Variants in NHEJ1 observed in about 807,000 individuals in gnomAD.
NHEJ1 encodes non-homologous end-joining factor 1.
Under a neutral mutation model 39.4 loss-of-function variants are expected in NHEJ1, and 22 were observed. The observed-to-expected ratio is 0.56, with a 90% CI of 0.40 to 0.80. NHEJ1 has a LOEUF of 0.80. NHEJ1 is among the 30% of genes least tolerant of loss of function. The probability of loss-of-function intolerance (pLI) is 0.00; values close to 1 mark genes in which losing one functional copy is unlikely to be tolerated. For synonymous variants in NHEJ1, 154 were observed against 135.6 expected (o/e 1.14, Z -0.94); for missense variants, 329 against 357.1 (o/e 0.92, Z 0.63).
At chr2:219,136,099 G>T (rs1949625246) in intron 5 of NHEJ1, among the ~76,000 whole-genome samples, 1 of 152,154 alleles carries the variant, frequency 6.6e-6, no homozygotes, top group African/African-American at 2.4e-5. Context: ...GGCCCCTGCA[G>T]ATATCTGATT....
intron 5 of NHEJ1, among the ~76,000 whole-genome samples, chr2:219,136,750 C>T (rs1056369203): frequency 1.1e-4 from 16 of 151,156 alleles, no homozygotes; most frequent in African/African-American, 3.9e-4. Context: ...TTACAGGCAC[C>T]CACCATTGCA....
At chr2:219,157,372 G>T (rs1465373049) in intron 3 of NHEJ1, 100 bp downstream of exon 3, 3 of 1,013,646 alleles carry the variant, frequency 3.0e-6, no homozygotes, top group Non-Finnish European at 4.5e-6. Flanking sequence ...GATTGGAGAA[G>T]AATTTCAAAC....
chr2:219,156,427 G>A (rs1574748718), intron 3 of NHEJ1, among the ~76,000 whole-genome samples: 1 of 152,088 alleles, frequency 6.6e-6, no homozygotes, highest in East Asian at 1.9e-4. Context: ...ATACTTTTAG[G>A]CTTCCCAAAG....
chr2:219,083,369 C>T (rs903340760), intron 5 of NHEJ1, among the ~76,000 whole-genome samples: 2 of 151,136 alleles, frequency 1.3e-5, no homozygotes, highest in African/African-American at 2.4e-5. Flanking sequence ...ATGAACCCAA[C>T]ATGCGAGGAT....
At chr2:219,149,407 A>C (rs983297677) in intron 3 of NHEJ1, among the ~76,000 whole-genome samples, 1 of 152,044 alleles carries the variant, frequency 6.6e-6, no homozygotes, top group South Asian at 2.1e-4. Flanking sequence ...CTTGAGTCCA[A>C]GAGTTCGAGT....
chr2:219,149,678 G>C (rs1949777303), intron 3 of NHEJ1, among the ~76,000 whole-genome samples: 1 of 152,204 alleles, frequency 6.6e-6, no homozygotes, highest in Non-Finnish European at 1.5e-5. Flanking sequence ...GAAGTTATCA[G>C]ACTTCCTTTC....
intron 5 of NHEJ1, among the ~76,000 whole-genome samples, chr2:219,139,665 T>G (rs543153685): frequency 7.2e-5 from 11 of 152,234 alleles, no homozygotes; most frequent in Non-Finnish European, 1.5e-4. Flanking sequence ...TTTGGTTTTT[T>G]GGGGTTTTTT....
chr2:219,110,361 T>A (rs977124539), intron 5 of NHEJ1, among the ~76,000 whole-genome samples: 4 of 151,740 alleles, frequency 2.6e-5, no homozygotes, highest in African/African-American at 9.7e-5. Flanking sequence ...ACAAAAAATA[T>A]ATATATATAA....
chr2:219,149,059 T>C (rs1195605886), intron 3 of NHEJ1, among the ~76,000 whole-genome samples: 1 of 152,040 alleles, frequency 6.6e-6, no homozygotes, highest in Non-Finnish European at 1.5e-5. Flanking sequence ...AATTTTTGTA[T>C]TTTTAGTAGA....
rs370998466 is a variant in NHEJ1, at chr2:219,138,723, A to G, written c.588+7957T>C. Among the ~76,000 whole-genome samples the G allele has an allele frequency of 2.0e-5, 3 of 152,372 alleles. No individual in the cohort carries two copies. In the East Asian group the frequency reaches 5.8e-4, roughly 29 times the overall value. ...TTGGAAACTAGGTGCTATAGAAAAA[A>G]TAAAAAGTAGAGGATGGTAAGATGA... On this transcript the variant is annotated intron_variant, in intron 5 of 7. Transcript: ENST00000356853.
rs1242043623 is a variant in NHEJ1, at chr2:219,147,867, G to GA, written c.391-73dup. ...CTTTCCAATTCAGTATTAGGTACCAGAAAAAATACCGAAAAATAAATGTTC... is the reference window on the plus strand; with the variant it reads ...CTTTCCAATTCAGTATTAGGTACCAGAAAAAAATACCGAAAAATAAATGTTC... On this transcript the variant is annotated intron_variant, in intron 3 of 7. Transcript: ENST00000356853. 2.2e-5 allele frequency: 32 copies of GA among 1,475,776 alleles called. No homozygotes were observed. In the East Asian group the frequency reaches 6.9e-4, roughly 32 times the overall value. 91.4% of individuals were successfully genotyped at this position (1,475,776 alleles called of 1,614,324 possible). A position where few individuals can be genotyped will look rare whatever the true frequency, so the allele number is the denominator to read the frequency against.
At chr2:219,127,188 A>AT (rs762071100) in intron 5 of NHEJ1, among the ~76,000 whole-genome samples, 10 of 152,264 alleles carry the variant, frequency 6.6e-5, no homozygotes, top group Non-Finnish European at 1.3e-4. Flanking sequence ...TCTTTTACTG[A>AT]TTGTAGATCC....
At position 219,097,168 on chromosome 2, in the gene NHEJ1, C is replaced by G. The variant is rs572408970; in HGVS notation, c.589-18962G>C. 2.0e-5 allele frequency among the ~76,000 whole-genome samples: 3 copies of G among 152,274 alleles called. No homozygotes were observed. In the South Asian group the frequency reaches 6.2e-4, roughly 32 times the overall value. ...TTAAGATAGGCTAAGCTATAATGTT[C>G]TATAGGTTAAGTGTATTCAATACAT... On this transcript the variant is annotated intron_variant, in intron 5 of 7. Transcript: ENST00000356853.
chr2:219,130,044 CTTT>C (rs11337813), intron 5 of NHEJ1, among the ~76,000 whole-genome samples: 3 of 134,796 alleles, frequency 2.2e-5, no homozygotes, highest in Non-Finnish European at 1.6e-5. Flanking sequence ...TATGTCCCTT[CTTT>C]TTTTTTTTTT....
intron 5 of NHEJ1, among the ~76,000 whole-genome samples, chr2:219,146,133 C>T (rs186349892): frequency 2.6e-5 from 4 of 152,192 alleles, no homozygotes. Context: ...AGAAGGGAAA[C>T]CTAGGCAGGA....
At chr2:219,077,536 G>T (rs530612881) in intron 6 of NHEJ1, among the ~76,000 whole-genome samples, 172 bp from the exon 7 acceptor site, 1 of 152,292 alleles carries the variant, frequency 6.6e-6, no homozygotes, top group South Asian at 2.1e-4. Context: ...TCCTGTTTCT[G>T]CTATGAAGAT....
Position 219,099,916 on chromosome 2 carries a change from G to A in NHEJ1, c.589-21710C>T, listed in dbSNP as rs569274439. On this transcript the variant is annotated intron_variant, in intron 5 of 7. Transcript: ENST00000356853. ...GGTACAATGGTAGGGCCCAGAAACC[G>A]GGGAAGGGTAGGAAAAGAGGACAGA... Among the ~76,000 whole-genome samples, 18 of 152,290 alleles carry A rather than the reference G, an allele frequency of 1.2e-4. No homozygotes were observed. The East Asian group carries it at 2.3e-3, about 20-fold the overall frequency.
chr2:219,153,678 G>C (rs1325985704), intron 3 of NHEJ1, among the ~76,000 whole-genome samples: 1 of 37,374 alleles, frequency 2.7e-5, no homozygotes, highest in Non-Finnish European at 4.9e-5. Flanking sequence ...CATCTCAAAA[G>C]AAAAAGAAAG....
intron 5 of NHEJ1, among the ~76,000 whole-genome samples, chr2:219,080,311 C>T (rs921240521): frequency 2.6e-5 from 4 of 151,774 alleles, no homozygotes; most frequent in Admixed American, 6.6e-5. Flanking sequence ...CCGAGGCGGG[C>T]GGATCACAAC....
Sources: allele counts gnomAD v4.1 joint callset (sites outside exome capture counted in the v4.1 genomes callset), GRCh38; gene constraint gnomAD v4.1.1; transcripts MANE v1.5; gene names NCBI Gene and HGNC (gene_info 2026-07-23, HGNC 2026-07-21).